Variants in RRBP1 observed in about 807,000 individuals in gnomAD.
RRBP1 encodes ribosome binding protein 1, also known as ribosome-binding protein 1.
In RRBP1, 94 loss-of-function variants were observed where a neutral mutation model predicts 165.2. The ratio of observed to expected loss-of-function variants is 0.57; its 90% CI spans 0.48 to 0.68. RRBP1 has a LOEUF of 0.68. Ranked by LOEUF, RRBP1 falls within the 30% of genes least tolerant of loss-of-function variation. The probability of loss-of-function intolerance (pLI) is 0.00; values close to 1 mark genes in which losing one functional copy is unlikely to be tolerated. For synonymous variants in RRBP1, 680 were observed against 714.5 expected (o/e 0.95, Z 0.77); for missense variants, 1,676 against 1,763.0 (o/e 0.95, Z 0.88).
chr20:17,617,572 T>G (rs1324391099), intron 20 of RRBP1, among the ~76,000 whole-genome samples: 1 of 151,834 alleles, frequency 6.6e-6, no homozygotes, highest in African/African-American at 2.4e-5. Context: ...CTCCAGGGGG[T>G]TTTCTCTGCA....
intron 3 of RRBP1, among the ~76,000 whole-genome samples, chr20:17,649,932 C>G (rs186985072): frequency 7.0e-4 from 106 of 152,276 alleles, no homozygotes; most frequent in African/African-American, 2.3e-3. Context: ...TCCCAGATGC[C>G]TGTGTGCTAG....
chr20:17,665,205 A>C (rs2036847706), intron 2 of RRBP1, among the ~76,000 whole-genome samples: 1 of 152,028 alleles, frequency 6.6e-6, no homozygotes, highest in Non-Finnish European at 1.5e-5. Flanking sequence ...TACCACTTCC[A>C]CCTGCTTTTG....
At position 17,614,214 on chromosome 20, in the gene RRBP1, C is replaced by T. The variant is rs1227390805; in HGVS notation, c.4201G>A (p.Gly1401Ser). The T allele has an allele frequency of 5.0e-6, 8 of 1,613,548 alleles. No homozygotes were observed. The highest frequency in any genetic ancestry group is 6.8e-6 in the Non-Finnish European group (8 of 1,179,986). Reference protein sequence around the residue: ...LQEQLEKAEDGSSSKEGTSV With the variant: ...LQEQLEKAEDSSSSKEGTSV ...GAGGTGCCCTCCTTTGAGCTGCTGC[C>T]GTCCTCCTGTGAACGAAGGCAGGTG... Residue 1401 changes from glycine to serine, a missense_variant, in exon 25 of 25, where the codon GGC (glycine) becomes AGC (serine). By Grantham distance (56) the Gly-to-Ser change is moderately conservative. Around this residue, in one of 5 missense-constraint regions of RRBP1, gnomAD observed 1,184 missense variants for 1,167.1 expected, o/e 1.01. Coordinates refer to ENST00000377813, the MANE Select transcript of RRBP1 (RefSeq NM_001365613.2).
At chr20:17,619,892 C>T in intron 18 of RRBP1, 164 bp from the exon 19 acceptor site, 6 of 565,236 alleles carry the variant, frequency 1.1e-5, no homozygotes, top group East Asian at 6.0e-5. Flanking sequence ...GGCAAGAGAA[C>T]CCCTTACGGA....
intron 2 of RRBP1, among the ~76,000 whole-genome samples, chr20:17,671,262 T>G (rs887631056): frequency 2.0e-5 from 3 of 152,236 alleles, no homozygotes; most frequent in African/African-American, 4.8e-5. Flanking sequence ...AAGTCCATTA[T>G]CTTATGTTTT....
In RRBP1 at chr20:17,614,074, C is replaced by T. The variant is rs765199380; in HGVS notation, c.*108G>A. 1.3e-5 allele frequency: 14 copies of T among 1,102,642 alleles called. No homozygotes were observed. The East Asian group carries it at 1.7e-4, about 13-fold the overall frequency. The allele number at this position is 1,102,642 out of a possible 1,614,324, so 68.3% of individuals were successfully genotyped here. A position where few individuals can be genotyped will look rare whatever the true frequency, so the allele number is the denominator to read the frequency against. ...CTCTCATGGCTTCTCTCGGAGCTAC[C>T]GGAAGTTGGGCCTGGATAACGCTGT... On this transcript the variant is annotated 3_prime_UTR_variant, in exon 25 of 25. Coordinates refer to ENST00000377813, the MANE Select transcript of RRBP1 (RefSeq NM_001365613.2).
At position 17,658,969 on chromosome 20, in the gene RRBP1, C is replaced by T. The variant is rs750274679; in HGVS notation, c.1539G>A (p.Glu513=). ...TCTTTTTACCCTGATTCTGGGCTCC[C>T]TCTCCTTTTTGGCCCTGGTTCTGGG... is the stretch of plus-strand genomic sequence containing the variant. The part of the protein sequence containing the change: ...EGAQNQGQKG[E]GAQNQGKKTE... The change falls in exon 3 of 25, where the codon GAG becomes GAA. Residue 513 remains glutamate (E), a synonymous_variant. Transcript: ENST00000377813. 21 of 1,612,406 alleles carry T rather than the reference C, an allele frequency of 1.3e-5. No individual in the cohort carries two copies. In the African/African-American group the frequency reaches 2.5e-4, roughly 19 times the overall value.
intron 2 of RRBP1, among the ~76,000 whole-genome samples, chr20:17,666,375 A>G (rs1003011316): frequency 3.9e-5 from 6 of 151,974 alleles, no homozygotes; most frequent in East Asian, 1.9e-4. Context: ...CCATACTTCT[A>G]TAAGATTTTA....
In RRBP1 at chr20:17,625,738, C is replaced by T. The variant is rs1221160421; in HGVS notation, c.2964-136G>A. 9 of 672,366 alleles carry T rather than the reference C, an allele frequency of 1.3e-5. No individual in the cohort carries two copies. The Admixed American group carries it at 2.4e-4, about 18-fold the overall frequency. The allele number at this position is 672,366 out of a possible 1,614,324, so 41.7% of individuals were successfully genotyped here. A position where few individuals can be genotyped will look rare whatever the true frequency, so the allele number is the denominator to read the frequency against. The stretch of plus-strand genomic sequence containing the variant: ...CCAGGGACGGTCCCTTCTGGCTGCC[C>T]CCACCTCACCCAGCGTGAGCTCCCA... On this transcript the variant is annotated intron_variant, in intron 11 of 24. Transcript: ENST00000377813.
intron 3 of RRBP1, among the ~76,000 whole-genome samples, chr20:17,648,398 A>C (rs574949046): frequency 1.3e-5 from 2 of 152,336 alleles, no homozygotes; most frequent in East Asian, 3.9e-4. Flanking sequence ...GGCAGTGCAC[A>C]AACAGTGGAC....
At chr20:17,657,375 A>C (rs1359289623) in intron 3 of RRBP1, among the ~76,000 whole-genome samples, 1 of 152,230 alleles carries the variant, frequency 6.6e-6, no homozygotes, top group Non-Finnish European at 1.5e-5. Flanking sequence ...CAAAAACAGC[A>C]GAAGGAGGAA....
At chr20:17,622,025 G>A (rs1341480890) in intron 13 of RRBP1, 78 bp from the exon 14 acceptor site, 5 of 1,070,560 alleles carry the variant, frequency 4.7e-6, no homozygotes, top group Non-Finnish European at 7.2e-6. Flanking sequence ...TTACTGATAT[G>A]CCCGGGTCTC....
chr20:17,615,522 G>A lies in RRBP1; in HGVS notation c.3959C>T (p.Thr1320Ile). 1 of 1,604,860 alleles carries A rather than the reference G, an allele frequency of 6.2e-7. No individual in the cohort carries two copies. The highest frequency in any genetic ancestry group is 8.5e-7 in the Non-Finnish European group (1 of 1,177,124). Residue 1320 changes from threonine (T) to isoleucine (I), a missense_variant, in exon 23 of 25, where the codon ACC (threonine) becomes ATC (isoleucine). By Grantham distance (89) the Thr-to-Ile change is moderately conservative. This residue lies in a region of RRBP1 where 1,184 missense variants were observed against 1,167.1 expected (regional missense o/e 1.01). Transcript: ENST00000377813. ...KLTAEFEEAQTSACRLQEELE... is the reference protein window; with the variant it reads ...KLTAEFEEAQISACRLQEELE... ...TTCTTCTTGTAACCGACATGCCGAG[G>A]TCTGAGCCTTGCCGGAGAGGGAAGT... is the stretch of plus-strand genomic sequence containing the variant.
chr20:17,634,770 C>T (rs1412237151), intron 7 of RRBP1, among the ~76,000 whole-genome samples: 2 of 152,184 alleles, frequency 1.3e-5, no homozygotes, highest in African/African-American at 2.4e-5. Context: ...TCCAACCAGC[C>T]GATGGCTCAG....
chr20:17,621,465 G>C lies in RRBP1; in HGVS notation c.3407C>G (p.Ala1136Gly). The change falls in exon 16 of 25, where the codon GCG becomes GGG. Residue 1136 changes from alanine (A) to glycine (G), a missense_variant. Ala to Gly is a moderately conservative substitution (Grantham distance 60). Around this residue, in one of 5 missense-constraint regions of RRBP1, gnomAD observed 1,184 missense variants for 1,167.1 expected, o/e 1.01. Coordinates refer to ENST00000377813, the MANE Select transcript of RRBP1 (RefSeq NM_001365613.2). The part of the protein sequence containing the change: ...AECDQYRSIL[A>G]ETEGMLRDLQ... ...CAGGTTCCCAATGCTCACCGTCTCC[G>C]CCAGGATGCTGCGGTACTGGTCACA... is the stretch of plus-strand genomic sequence containing the variant. The C allele has an allele frequency of 6.2e-7, 1 of 1,611,368 alleles. No homozygotes were observed. Among genetic ancestry groups the C allele is most frequent in the Non-Finnish European group, 8.5e-7 (1 of 1,179,370 alleles).
At chr20:17,656,648 T>G (rs2036650799) in intron 3 of RRBP1, among the ~76,000 whole-genome samples, 2 of 152,196 alleles carry the variant, frequency 1.3e-5, no homozygotes. Context: ...CGTTCACACA[T>G]TGACAGGACT....
chr20:17,627,298 T>TCCC, intron 11 of RRBP1, 50 bp downstream of exon 11: 1 of 1,597,924 alleles, frequency 6.3e-7, no homozygotes, highest in South Asian at 1.1e-5. Flanking sequence ...GGGTCTTTGG[T>TCCC]CCCCCGGGCT....
In RRBP1 at chr20:17,654,923, G is replaced by A. The variant is rs547630627; in HGVS notation, c.1912+3673C>T. Among the ~76,000 whole-genome samples the A allele has an allele frequency of 2.0e-5, 3 of 152,274 alleles. No homozygotes were observed. In the South Asian group the frequency reaches 6.2e-4, roughly 32 times the overall value. ...CAGTTGTTTTAACATCTGGAATTAA[G>A]GAAGTATCATTATTCCTTTATTTTT... On this transcript the variant is annotated intron_variant, in intron 3 of 24. Coordinates refer to ENST00000377813, the MANE Select transcript of RRBP1 (RefSeq NM_001365613.2).
rs773711997 is a variant in RRBP1 at position 17,636,632 on chromosome 20, C to T, written c.2282G>A (p.Arg761His). 11 of 1,612,806 alleles carry T rather than the reference C, an allele frequency of 6.8e-6. No homozygotes were observed. The highest frequency in any genetic ancestry group is 5.3e-5 in the African/African-American group (4 of 74,936). Reference sequence around the variant, plus strand: ...GTGCTCCCGGTAGCTGGCCTGCATGCGTGCCTGCACAGCCGTGATCTCCTG... The same window carrying T: ...GTGCTCCCGGTAGCTGGCCTGCATGTGTGCCTGCACAGCCGTGATCTCCTG... ...REQEITAVQA[R>H]MQASYREHVK... Residue 761 changes from arginine to histidine, a missense_variant, in exon 6 of 25, where the codon CGC becomes CAC. By Grantham distance (29) the Arg-to-His change is conservative. Coordinates refer to ENST00000377813, the MANE Select transcript of RRBP1 (RefSeq NM_001365613.2).
Sources: gnomAD v4.1 joint callset for allele counts (sites outside exome capture counted in the v4.1 genomes callset) on GRCh38, gnomAD v4.1.1 for gene constraint, gnomAD v4.1.1 regional missense constraint, MANE v1.5 for transcripts, NCBI Gene and HGNC (gene_info 2026-07-23, HGNC 2026-07-21) for gene names.